The following PSMD1 variants were observed in gnomAD, a reference collection of about 807,000 sequenced individuals.
PSMD1 encodes the protein proteasome 26S subunit, non-ATPase 1.
PSMD1 carries 18 observed loss-of-function variants against 119.0 expected under a neutral mutation model. That is an observed-to-expected ratio of 0.15 (90% CI 0.10 to 0.22). The LOEUF (loss-of-function observed/expected upper bound fraction) is 0.22. Ranked by LOEUF, PSMD1 falls within the 10% of genes least tolerant of loss-of-function variation. PSMD1 has a pLI of 1.00. For synonymous variants in PSMD1, 374 were observed against 396.6 expected (o/e 0.94, Z 0.68); for missense variants, 702 against 1,158.5 (o/e 0.61, Z 5.72).
intron 16 of PSMD1, among the ~76,000 whole-genome samples, chr2:231,115,038 A>G (rs541041318): frequency 6.6e-6 from 1 of 152,170 alleles, no homozygotes; most frequent in Admixed American, 6.5e-5. Flanking sequence ...TATTGCAGGT[A>G]TATCTGACTT....
At chr2:231,109,516 A>G (rs748017404) in intron 16 of PSMD1, 6 of 971,642 alleles carry the variant, frequency 6.2e-6, no homozygotes, top group Non-Finnish European at 9.5e-6. Context: ...TTGGTGCATT[A>G]TAATTCCTGG....
chr2:231,128,845 C>T (rs1222204031), intron 16 of PSMD1, among the ~76,000 whole-genome samples: 1 of 152,150 alleles, frequency 6.6e-6, no homozygotes, highest in Non-Finnish European at 1.5e-5. Flanking sequence ...TAAGCCCTCC[C>T]CAGGTTAAGT....
intron 15 of PSMD1, 77 bp from the exon 16 acceptor site, chr2:231,087,040 T>G: frequency 8.4e-7 from 1 of 1,196,432 alleles, no homozygotes; most frequent in Non-Finnish European, 1.2e-6. Context: ...CACTGTTGAA[T>G]GATGCTGACC....
chr2:231,094,496 A>G (rs2125186544), intron 16 of PSMD1, among the ~76,000 whole-genome samples: 1 of 152,310 alleles, frequency 6.6e-6, no homozygotes, highest in South Asian at 2.1e-4. Context: ...GGCTGTTTCA[A>G]GGTTCTGCAA....
At chr2:231,078,216 C>G (rs1202564122) in intron 9 of PSMD1, among the ~76,000 whole-genome samples, 2 of 151,952 alleles carry the variant, frequency 1.3e-5, no homozygotes, top group Non-Finnish European at 2.9e-5. Flanking sequence ...TGCAGTGAGC[C>G]GAGATCGTAC....
intron 4 of PSMD1, among the ~76,000 whole-genome samples, chr2:231,065,169 G>A (rs563078146): frequency 2.7e-5 from 4 of 150,884 alleles, no homozygotes; most frequent in Admixed American, 2.0e-4. Context: ...TCTTGCCCTC[G>A]TCTTCTTACT....
At position 231,070,135 on chromosome 2, in the gene PSMD1, C is replaced by T; in HGVS notation, c.621C>T (p.Asn207=). The T allele has an allele frequency of 6.4e-7, 1 of 1,558,150 alleles. No homozygotes were observed. The highest frequency in any genetic ancestry group is 8.6e-7 in the Non-Finnish European group (1 of 1,160,500). The change falls in exon 6 of 25, where the codon AAC becomes AAT. Residue 207 remains asparagine (N), a synonymous_variant. Coordinates refer to ENST00000308696, the MANE Select transcript of PSMD1 (RefSeq NM_002807.4). ...GAGTTCTAGTTAAAATCTACATGAA[C>T]TTGGAGAAACCTGATTTCATCAATG... The part of the protein sequence containing the change: ...VLRVLVKIYM[N]LEKPDFINVC...
rs1694033811 is a variant in PSMD1 at position 231,071,176 on chromosome 2, A to G, written c.654+1008A>G. Reference sequence around the variant, plus strand: ...TTTCATAGTTTTTTTTAAAACTGACATGAAAAATAGTAGTTCCCTGCCCTC... The same window carrying G: ...TTTCATAGTTTTTTTTAAAACTGACGTGAAAAATAGTAGTTCCCTGCCCTC... On this transcript the variant is annotated intron_variant, in intron 6 of 24. Coordinates refer to ENST00000308696, the MANE Select transcript of PSMD1 (RefSeq NM_002807.4). Among the ~76,000 whole-genome samples the G allele has an allele frequency of 2.6e-5, 4 of 152,070 alleles. No individual in the cohort carries two copies. The South Asian group carries it at 6.2e-4, about 24-fold the overall frequency.
At chr2:231,144,418 A>ATTTTTTTTTTTTTT (rs751682132) in intron 17 of PSMD1, among the ~76,000 whole-genome samples, 4 of 75,192 alleles carry the variant, frequency 5.3e-5, no homozygotes, top group Non-Finnish European at 9.5e-5. Flanking sequence ...CGCCCAGCTA[A>ATTTTTTTTTTTTTT]TTTTTTTTTT....
In PSMD1 at chr2:231,170,413, A is replaced by G; in HGVS notation, c.2716-153A>G. The G allele has an allele frequency of 2.7e-6, 2 of 741,784 alleles. No homozygotes were observed. The highest frequency in any genetic ancestry group is 4.0e-6 in the Non-Finnish European group (2 of 495,262). 46.0% of individuals were successfully genotyped at this position (741,784 alleles called of 1,614,324 possible). A position where few individuals can be genotyped will look rare whatever the true frequency, so the allele number is the denominator to read the frequency against. ...AGTTTGCAAATACTTCGTATAGATC[A>G]CAGTTATCTTTATCCCAGTAAAGTT... On this transcript the variant is annotated intron_variant, in intron 23 of 24. Coordinates refer to ENST00000308696, the MANE Select transcript of PSMD1 (RefSeq NM_002807.4). The surrounding 1 kb of genome is among the most constrained non-coding windows in gnomAD (Gnocchi z 4.1).
chr2:231,057,004 C>T lies in PSMD1; in HGVS notation c.-22C>T. On this transcript the variant is annotated 5_prime_UTR_variant, in exon 1 of 25. In the 5' UTR this introduces an upstream ATG that the reference lacks. Transcript: ENST00000308696. Reference sequence around the variant, plus strand: ...GCAGCTGGAACGGCGAGCGAGCCGACGGGCGAGTGAGGGGCGCAGCCATGA... The same window carrying T: ...GCAGCTGGAACGGCGAGCGAGCCGATGGGCGAGTGAGGGGCGCAGCCATGA... 2 of 1,539,872 alleles carry T rather than the reference C, an allele frequency of 1.3e-6. No homozygotes were observed. Among genetic ancestry groups the T allele is most frequent in the East Asian group, 2.5e-5 (1 of 39,858 alleles).
chr2:231,072,386 G>C lies in PSMD1; in HGVS notation c.852G>C (p.Thr284=). The part of the protein sequence containing the change: ...PIASVPGSTN[T]GTVPGSEKDS... ...CTTCTGTGCCTGGATCCACTAATAC[G>C]GGTACTGTTCCGGGATCAGAGAAAG... Residue 284 remains threonine, a synonymous_variant, in exon 7 of 25, where the codon ACG becomes ACC. Transcript: ENST00000308696. The C allele has an allele frequency of 6.2e-7, 1 of 1,613,180 alleles. No homozygotes were observed. The highest frequency in any genetic ancestry group is 8.5e-7 in the Non-Finnish European group (1 of 1,179,182).
intron 19 of PSMD1, among the ~76,000 whole-genome samples, chr2:231,159,747 G>A (rs1696590384): frequency 6.6e-6 from 1 of 152,108 alleles, no homozygotes; most frequent in Non-Finnish European, 1.5e-5. Flanking sequence ...AATAGTCTAG[G>A]GCAGCAGTCC....
At chr2:231,169,553 T>G (rs1696865891) in intron 23 of PSMD1, among the ~76,000 whole-genome samples, 1 of 152,106 alleles carries the variant, frequency 6.6e-6, no homozygotes, top group Non-Finnish European at 1.5e-5. Flanking sequence ...AGCACACCAG[T>G]TTTATAGCAT....
intron 1 of PSMD1, 83 bp from the exon 2 acceptor site, chr2:231,061,184 C>T (rs1055330682): frequency 4.6e-6 from 5 of 1,076,382 alleles, no homozygotes; most frequent in Non-Finnish European, 5.5e-6. Context: ...TGTTTTTCAG[C>T]CATCATGTAT....
intron 19 of PSMD1, among the ~76,000 whole-genome samples, chr2:231,160,769 A>G (rs1574777574): frequency 6.6e-6 from 1 of 152,336 alleles, no homozygotes; most frequent in East Asian, 1.9e-4. Flanking sequence ...GTAAGTCTAG[A>G]TGTGTGCTAA....
chr2:231,145,451 A>G (rs1696231213), intron 17 of PSMD1, among the ~76,000 whole-genome samples: 1 of 152,208 alleles, frequency 6.6e-6, no homozygotes. Context: ...GTACGACACT[A>G]TTGTCACTAT....
In PSMD1 at chr2:231,125,764, A is replaced by G. The variant is rs377481245; in HGVS notation, c.1884-12972A>G. Among the ~76,000 whole-genome samples, 16 of 152,364 alleles carry G rather than the reference A, an allele frequency of 1.1e-4. 1 individual carries two copies. Among genetic ancestry groups the G allele is most frequent in the African/African-American group, 3.8e-4 (16 of 41,594 alleles). On this transcript the variant is annotated intron_variant, in intron 16 of 24. Coordinates refer to ENST00000308696, the MANE Select transcript of PSMD1 (RefSeq NM_002807.4). ...TATGCTATTTAAGTTTTCTGTAACC[A>G]TAAGACTAGCTTAGTATTAGAACCT...
chr2:231,057,134 CG>C, intron 1 of PSMD1, 93 bp downstream of exon 1: 1 of 1,394,256 alleles, frequency 7.2e-7, no homozygotes. Context: ...CGCCTCCCGG[CG>C]GAACGCCGGC....
Sources: allele counts gnomAD v4.1 joint callset (sites outside exome capture counted in the v4.1 genomes callset), GRCh38; gene constraint gnomAD v4.1.1; non-coding constraint Gnocchi (gnomAD v3.1); transcripts MANE v1.5; gene names NCBI Gene and HGNC (gene_info 2026-07-23, HGNC 2026-07-21).